Variants in BRAF observed in about 807,000 individuals in gnomAD.
The protein encoded by BRAF is B-Raf proto-oncogene, serine/threonine kinase, also known as serine/threonine-protein kinase B-raf.
BRAF carries 16 observed loss-of-function variants against 104.6 expected under a neutral mutation model. The observed-to-expected ratio is 0.15, with a 90% CI of 0.10 to 0.23. The LOEUF is 0.23. Ranked by LOEUF, BRAF falls within the 10% of genes least tolerant of loss-of-function variation. The pLI, the probability that BRAF is intolerant of heterozygous loss-of-function variation, is 1.00. For missense variants in BRAF, 541 were observed against 937.3 expected (o/e 0.58, Z 5.52); for synonymous variants, 310 against 341.6 (o/e 0.91, Z 1.02).
chr7:140,809,066 T>A, intron 3 of BRAF, 71 bp from the exon 4 acceptor site: 1 of 1,275,112 alleles, frequency 7.8e-7, no homozygotes. Context: ...ATTAAAAAAA[T>A]TTAGTAATTC....
At chr7:140,864,947 A>G (rs1050177844) in intron 1 of BRAF, among the ~76,000 whole-genome samples, 2 of 152,256 alleles carry the variant, frequency 1.3e-5, no homozygotes, top group African/African-American at 4.8e-5. Flanking sequence ...CAAGAGGACC[A>G]ATGCAGACAA....
At chr7:140,759,452 T>C (rs1798482971) in intron 14 of BRAF, among the ~76,000 whole-genome samples, 1 of 152,182 alleles carries the variant, frequency 6.6e-6, no homozygotes, top group African/African-American at 2.4e-5. Flanking sequence ...AATGGCACGA[T>C]TTTGGCTCAC....
At chr7:140,817,320 G>A (rs117104882) in intron 3 of BRAF, among the ~76,000 whole-genome samples, 8,603 of 152,192 alleles carry the variant, frequency 0.057, 289 homozygotes, top group South Asian at 0.11. Context: ...TGAAAAAATG[G>A]AAAGACCGGC....
chr7:140,866,240 C>T (rs1165904681), intron 1 of BRAF, among the ~76,000 whole-genome samples: 1 of 152,148 alleles, frequency 6.6e-6, no homozygotes, highest in African/African-American at 2.4e-5. Context: ...TAACAATATA[C>T]ATATCATGTT....
chr7:140,770,802 G>A (rs1163869722), intron 14 of BRAF, among the ~76,000 whole-genome samples: 4 of 151,822 alleles, frequency 2.6e-5, no homozygotes, highest in African/African-American at 9.7e-5. Context: ...GTGTGGTGGT[G>A]GGTGCCTGTA....
intron 3 of BRAF, among the ~76,000 whole-genome samples, chr7:140,819,021 T>C (rs1339942976): frequency 6.6e-6 from 1 of 152,218 alleles, no homozygotes. Context: ...AGTTTTATTC[T>C]TGTTATCTCC....
At chr7:140,867,859 C>T (rs1314539546) in intron 1 of BRAF, among the ~76,000 whole-genome samples, 3 of 152,172 alleles carry the variant, frequency 2.0e-5, no homozygotes, top group Non-Finnish European at 4.4e-5. Flanking sequence ...ACTCTGCAAT[C>T]CCCTTTCCAT....
intron 14 of BRAF, among the ~76,000 whole-genome samples, chr7:140,755,042 C>CTTA (rs924562395): frequency 6.6e-6 from 1 of 152,158 alleles, no homozygotes; most frequent in African/African-American, 2.4e-5. Flanking sequence ...GAGACAAAGT[C>CTTA]TTACTCTATC....
At chr7:140,762,272 G>C (rs1432169977) in intron 14 of BRAF, among the ~76,000 whole-genome samples, 4 of 152,140 alleles carry the variant, frequency 2.6e-5, no homozygotes, top group Admixed American at 6.5e-5. Flanking sequence ...AACTGAACAA[G>C]CTGCTCCTGA....
chr7:140,807,780 T>A (rs1200787582), intron 5 of BRAF, among the ~76,000 whole-genome samples, 180 bp downstream of exon 5: 1 of 152,138 alleles, frequency 6.6e-6, no homozygotes, highest in Admixed American at 6.5e-5. Flanking sequence ...AAAGAAAGTA[T>A]AAAGATTAAA....
chr7:140,804,090 T>C (rs370705187), intron 5 of BRAF, among the ~76,000 whole-genome samples: 121 of 152,266 alleles, frequency 7.9e-4, no homozygotes, highest in African/African-American at 2.8e-3. Flanking sequence ...TTTCACCATG[T>C]TGGCCAGGCT....
downstream of BRAF, among the ~76,000 whole-genome samples, chr7:140,716,233 C>T (rs1187414636): frequency 6.6e-6 from 1 of 152,204 alleles, no homozygotes; most frequent in Non-Finnish European, 1.5e-5. Context: ...GCTTCCAGAA[C>T]TCAGGCTGTT....
intron 1 of BRAF, among the ~76,000 whole-genome samples, chr7:140,908,922 T>C (rs1380170999): frequency 7.3e-6 from 1 of 136,996 alleles, no homozygotes; most frequent in Non-Finnish European, 1.7e-5. Context: ...TGGATTCTTG[T>C]TTATTCCTAG....
At chr7:140,859,222 T>C (rs1312857189) in intron 1 of BRAF, among the ~76,000 whole-genome samples, 1 of 152,208 alleles carries the variant, frequency 6.6e-6, no homozygotes, top group African/African-American at 2.4e-5. Context: ...TCCACCCCTG[T>C]TTTGGTAGCT....
chr7:140,872,724 A>T (rs1479662842), intron 1 of BRAF, among the ~76,000 whole-genome samples: 1 of 152,026 alleles, frequency 6.6e-6, no homozygotes, highest in Non-Finnish European at 1.5e-5. Flanking sequence ...TTAGCCAGGT[A>T]TGGTGGCATG....
chr7:140,732,434 A>AT (rs1393695795), intron 19 of BRAF: 8 of 152,278 alleles, frequency 5.3e-5, no homozygotes, highest in African/African-American at 1.9e-4. Flanking sequence ...GAAACATTTA[A>AT]TTCTACTGCT....
intron 1 of BRAF, among the ~76,000 whole-genome samples, chr7:140,922,628 T>G (rs1818350870): frequency 6.6e-6 from 1 of 152,168 alleles, no homozygotes; most frequent in African/African-American, 2.4e-5. Flanking sequence ...ACACATCTAT[T>G]ACAGAGTAAA....
At chr7:140,781,533 T>C (rs373603933) in intron 12 of BRAF, 43 bp downstream of exon 11, 14 of 1,507,662 alleles carry the variant, frequency 9.3e-6, no homozygotes, top group East Asian at 2.3e-5. Flanking sequence ...GTTAAACATA[T>C]CCTATTATGA....
chr7:140,798,785 TAACTC>T lies in BRAF; in HGVS notation c.980+1572_980+1576del, dbSNP rs1438246043. Among the ~76,000 whole-genome samples, 3 of 151,858 alleles carry T rather than the reference TAACTC, an allele frequency of 2.0e-5. No homozygotes were observed. In the South Asian group the frequency reaches 6.3e-4, roughly 32 times the overall value. On this transcript the variant is annotated intron_variant, in intron 7 of 19. Coordinates refer to ENST00000644969, the MANE Select transcript of BRAF (RefSeq NM_001374258.1). ...GTTCCAAAGTAAACTGATACCCACT[TAACTC>T]ATCTTTATTGTGTCTTCCTTTTTAT...
Sources: gnomAD v4.1 joint callset for allele counts (sites outside exome capture counted in the v4.1 genomes callset) on GRCh38, gnomAD v4.1.1 for gene constraint, MANE v1.5 for transcripts, NCBI Gene and HGNC (gene_info 2026-07-23, HGNC 2026-07-21) for gene names.